Variants in UGT1A6 observed in about 807,000 individuals in gnomAD.
The protein encoded by UGT1A6 is UDP glucuronosyltransferase family 1 member A6, also known as UDP-glucuronosyltransferase 1A6.
A neutral mutation model predicts 44.4 loss-of-function variants in UGT1A6; 32 were observed. The observed-to-expected ratio is 0.72, with a 90% CI of 0.54 to 0.97. UGT1A6 has a LOEUF of 0.97. Ranked by LOEUF, UGT1A6 falls within the 50% of genes least tolerant of loss-of-function variation. UGT1A6 has a pLI of 0.00. For missense variants in UGT1A6, 685 were observed against 661.9 expected (o/e 1.03, Z -0.38); for synonymous variants, 238 against 248.5 (o/e 0.96, Z 0.40).
chr2:233,745,916 A>G (rs1693246629), intron 1 of UGT1A6, among the ~76,000 whole-genome samples: 1 of 151,488 alleles, frequency 6.6e-6, no homozygotes. Flanking sequence ...CAGCTGAGGC[A>G]GTGATTCAGA....
Position 233,757,560 on chromosome 2 carries a change from A to ATATATG in UGT1A6, c.862-9473_862-9472insATATGT, listed in dbSNP as rs904896556. On this transcript the variant is annotated intron_variant, in intron 1 of 4. Transcript: ENST00000305139. The stretch of plus-strand genomic sequence containing the variant: ...AATATATATATATATATATATATAT[A>ATATATG]TGTATATATGATATAGCTATAGTCT... 7.5e-3 allele frequency among the ~76,000 whole-genome samples: 922 copies of ATATATG among 123,150 alleles called. 38 individuals are homozygous for ATATATG. The highest frequency in any genetic ancestry group is 0.029 in the African/African-American group (852 of 29,358). 80.8% of individuals were successfully genotyped at this position (123,150 alleles called of 152,430 possible).
chr2:233,704,079 C>G lies in UGT1A6; in HGVS notation c.861+10214C>G, dbSNP rs1447811434. Reference sequence around the variant, plus strand: ...CTAATTTTTGTATTTTTTATAGAGACAGAGTTTTGCCATGTTGGTCAGTCT... The same window carrying G: ...CTAATTTTTGTATTTTTTATAGAGAGAGAGTTTTGCCATGTTGGTCAGTCT... On this transcript the variant is annotated intron_variant, in intron 1 of 4. Transcript: ENST00000305139. Among the ~76,000 whole-genome samples, 10 of 151,988 alleles carry G rather than the reference C, an allele frequency of 6.6e-5. No individual in the cohort carries two copies. In the East Asian group the frequency reaches 1.9e-3, roughly 29 times the overall value.
At chr2:233,738,083 T>G (rs1690690537) in intron 1 of UGT1A6, among the ~76,000 whole-genome samples, 1 of 152,170 alleles carries the variant, frequency 6.6e-6, no homozygotes, top group Admixed American at 6.5e-5. Context: ...CCTAATCTCA[T>G]CATAGTGAGT....
chr2:233,715,162 A>G (rs1420299748), intron 1 of UGT1A6, among the ~76,000 whole-genome samples: 3 of 152,214 alleles, frequency 2.0e-5, no homozygotes, highest in Non-Finnish European at 1.5e-5. Flanking sequence ...CTGGAATTAC[A>G]GGCGCGAGCC....
At chr2:233,704,652 G>T (rs2075801775) in intron 1 of UGT1A6, among the ~76,000 whole-genome samples, 1 of 151,908 alleles carries the variant, frequency 6.6e-6, no homozygotes, top group Non-Finnish European at 1.5e-5. Flanking sequence ...TATCATTTTT[G>T]GTTCTTTTCC....
In UGT1A6 at chr2:233,769,701, C is replaced by A. The variant is rs2126047704; in HGVS notation, c.1301+1262C>A. 1 of 1,525,142 alleles carries A rather than the reference C, an allele frequency of 6.6e-7. No homozygotes were observed. The highest frequency in any genetic ancestry group is 2.0e-5 in the Admixed American group (1 of 50,446). 94.5% of individuals were successfully genotyped at this position (1,525,142 alleles called of 1,614,324 possible). On this transcript the variant is annotated intron_variant, in intron 4 of 4. Transcript: ENST00000305139. This position sits in a 1 kb window ranked among gnomAD's most constrained non-coding sequence, Gnocchi z 4.4. ...TGTGTGGTGGCACTGGATAAAAGAT[C>A]AATGTTGGCTAGGCACCATGGCACA...
rs6735370 is a variant in UGT1A6 at position 233,743,982 on chromosome 2, C to A, written c.862-23052C>A. 7.7e-6 allele frequency: 10 copies of A among 1,297,000 alleles called. 1 individual carries two copies. The highest frequency in any genetic ancestry group is 4.6e-5 in the African/African-American group (3 of 65,422). The allele number at this position is 1,297,000 out of a possible 1,614,324, so 80.3% of individuals were successfully genotyped here. The stretch of plus-strand genomic sequence containing the variant: ...AGCGGCAAGGCTGCCAGCACCCAGG[C>A]GCAGGCCCGAGTGCTCGGAGACCTG... On this transcript the variant is annotated intron_variant, in intron 1 of 4. Transcript: ENST00000305139.
At chr2:233,731,174 T>A (rs1363213399) in intron 1 of UGT1A6, among the ~76,000 whole-genome samples, 2 of 152,202 alleles carry the variant, frequency 1.3e-5, no homozygotes, top group Admixed American at 6.5e-5. Context: ...ATGATTTTTT[T>A]ATGCAATGTA....
intron 1 of UGT1A6, among the ~76,000 whole-genome samples, chr2:233,709,487 T>G (rs1422888442): frequency 6.6e-6 from 1 of 152,212 alleles, no homozygotes; most frequent in Non-Finnish European, 1.5e-5. Flanking sequence ...TATTTAGTAT[T>G]TGAAGTCTCT....
At chr2:233,700,848 A>C (rs1341869131) in intron 1 of UGT1A6, among the ~76,000 whole-genome samples, 1 of 151,952 alleles carries the variant, frequency 6.6e-6, no homozygotes, top group Non-Finnish European at 1.5e-5. Context: ...CATTAGGTAT[A>C]TCTCCTAATG....
Position 233,693,271 on chromosome 2 carries a change from C to T in UGT1A6, c.267C>T (p.Asn89=). ...CGTATGACCAAGAAGAGCTGAAGAA[C>T]CGTTACCAATCATTTGGAAACAATC... ...PVPYDQEELK[N]RYQSFGNNHF... The change falls in exon 1 of 5, where the codon AAC becomes AAT. Residue 89 remains asparagine, a synonymous_variant. Coordinates refer to ENST00000305139, the MANE Select transcript of UGT1A6 (RefSeq NM_001072.4). 1.2e-6 allele frequency: 2 copies of T among 1,614,100 alleles called. No homozygotes were observed. Among genetic ancestry groups the T allele is most frequent in the Non-Finnish European group, 1.7e-6 (2 of 1,179,998 alleles).
In UGT1A6 at chr2:233,716,496, CA is replaced by C. The variant is rs1188662406; in HGVS notation, c.861+22632del. On this transcript the variant is annotated intron_variant, in intron 1 of 4. Transcript: ENST00000305139. Reference sequence around the variant, plus strand: ...CTGTCCTCCGTAGTCTTCTATTCTCCAGGCTTCAGAGCTCTCAGCTTACCAT... The same window carrying C: ...CTGTCCTCCGTAGTCTTCTATTCTCCGGCTTCAGAGCTCTCAGCTTACCAT... Among the ~76,000 whole-genome samples the C allele has an allele frequency of 2.0e-5, 3 of 152,150 alleles. No individual in the cohort carries two copies. In the East Asian group the frequency reaches 5.8e-4, roughly 29 times the overall value.
intron 1 of UGT1A6, among the ~76,000 whole-genome samples, chr2:233,698,342 CA>C (rs1389818502): frequency 6.6e-6 from 1 of 152,196 alleles, no homozygotes; most frequent in Non-Finnish European, 1.5e-5. Flanking sequence ...GTGTCAGTTG[CA>C]AAACATGAAT....
intron 1 of UGT1A6, chr2:233,713,718 G>A: frequency 1.2e-6 from 2 of 1,613,904 alleles, no homozygotes; most frequent in Non-Finnish European, 1.7e-6. Flanking sequence ...TCAGAGAGAG[G>A]TGTCAGTGGT....
intron 1 of UGT1A6, among the ~76,000 whole-genome samples, chr2:233,694,400 T>C (rs557019872): frequency 6.6e-6 from 1 of 152,256 alleles, no homozygotes; most frequent in Non-Finnish European, 1.5e-5. Context: ...ATGAAGAATA[T>C]GTGCCACAGA....
At chr2:233,731,565 G>A (rs1168065167) in intron 1 of UGT1A6, among the ~76,000 whole-genome samples, 1 of 152,192 alleles carries the variant, frequency 6.6e-6, no homozygotes, top group African/African-American at 2.4e-5. Context: ...ATAGTTTGCT[G>A]AGAATGATGG....
chr2:233,755,378 C>T (rs2125935029), intron 1 of UGT1A6: 1 of 351,540 alleles, frequency 2.8e-6, no homozygotes, highest in South Asian at 2.3e-5. Context: ...GAGGGCCGCC[C>T]CTTATGACGC....
intron 1 of UGT1A6, among the ~76,000 whole-genome samples, chr2:233,722,377 C>T (rs570845988): frequency 4.6e-5 from 7 of 152,274 alleles, no homozygotes; most frequent in East Asian, 3.9e-4. Context: ...TGAAATCTTA[C>T]GTTTCTTCTC....
At chr2:233,703,892 T>A (rs1430285411) in intron 1 of UGT1A6, among the ~76,000 whole-genome samples, 1 of 152,058 alleles carries the variant, frequency 6.6e-6, no homozygotes, top group Non-Finnish European at 1.5e-5. Context: ...ATCATTTTTT[T>A]CTTTTCTTTT....
Sources: gnomAD v4.1 joint callset for allele counts (sites outside exome capture counted in the v4.1 genomes callset) on GRCh38, gnomAD v4.1.1 for gene constraint, Gnocchi (gnomAD v3.1) non-coding constraint, MANE v1.5 for transcripts, NCBI Gene and HGNC (gene_info 2026-07-23, HGNC 2026-07-21) for gene names.